The following BRCA1 variants were observed in gnomAD, a reference collection of about 807,000 sequenced individuals.
BRCA1 encodes breast cancer type 1 susceptibility protein.
Under a neutral mutation model 173.7 loss-of-function variants are expected in BRCA1, and 140 were observed. The observed-to-expected ratio is 0.81, with a 90% confidence interval of 0.70 to 0.93. The LOEUF is 0.93. BRCA1 is among the 40% of genes least tolerant of loss of function. BRCA1 has a pLI of 0.00. For missense variants in BRCA1, 1,983 were observed against 2,172.5 expected, an observed-to-expected ratio of 0.91 and a Z score of 1.73; for synonymous variants, 662 against 756.0, an observed-to-expected ratio of 0.88 and a Z score of 2.04.
intron 18 of BRCA1, among the ~76,000 whole-genome samples, chr17:43,058,373 A>T (rs2051602668): frequency 6.6e-6 from 1 of 151,178 alleles, no homozygotes; most frequent in East Asian, 1.9e-4. Context: ...GACTCTGCTA[A>T]AAAAAAACAC....
At position 43,076,562 on chromosome 17, in the gene BRCA1, T is replaced by A. The variant is rs80357075; in HGVS notation, c.4410A>T (p.Glu1470Asp). Residue 1470 changes from glutamate to aspartate, a missense_variant, in exon 13 of 23, where the codon GAA becomes GAT. Transcript: ENST00000357654. ...SSEYPISQNP[E>D]GLSADKFEVS... ...CCTCAAACTTGTCAGCAGAAAGGCC[T>A]TCTGGATTCTGGCTTATAGGGTATT... is the stretch of plus-strand genomic sequence containing the variant. The A allele has an allele frequency of 2.9e-5, 46 of 1,613,734 alleles. No homozygotes were observed. The Admixed American group carries it at 6.5e-4, about 23-fold the overall frequency.
chr17:43,067,938 A>AGTCTCTG (rs1250667627), intron 15 of BRCA1, among the ~76,000 whole-genome samples: 1 of 141,184 alleles, frequency 7.1e-6, no homozygotes, highest in Non-Finnish European at 1.5e-5. Context: ...CCTAGCTTTA[A>AGTCTCTG]GTCTCTGTTT....
At chr17:43,097,092 A>C in intron 8 of BRCA1, 152 bp downstream of exon 8, 1 of 723,758 alleles carries the variant, frequency 1.4e-6, no homozygotes, top group Non-Finnish European at 2.3e-6. Context: ...CCAAATCCCA[A>C]GTCGTGTGTT....
chr17:43,150,162 T>A (rs1383881270), intron 1 of BRCA1, among the ~76,000 whole-genome samples: 1 of 152,044 alleles, frequency 6.6e-6, no homozygotes, highest in Non-Finnish European at 1.5e-5. Context: ...CTGGCTAGAG[T>A]GTAGTGGCGT....
chr17:43,094,872 CAAA>C lies in BRCA1; in HGVS notation c.671-15_671-13del. ...AAATTCACAAGCAGCTGAAAATATACAAAAATAACAAGGTACTCAAAAACTGAA... is the reference window on the plus strand; with the variant it reads ...AAATTCACAAGCAGCTGAAAATATACAATAACAAGGTACTCAAAAACTGAA... On this transcript the variant is annotated splice_polypyrimidine_tract_variant and intron_variant, in intron 9 of 22. Transcript: ENST00000357654. 1 of 1,596,892 alleles carries C rather than the reference CAAA, an allele frequency of 6.3e-7. No individual in the cohort carries two copies. Among genetic ancestry groups the C allele is most frequent in the South Asian group, 1.1e-5 (1 of 89,030 alleles).
intron 2 of BRCA1, among the ~76,000 whole-genome samples, chr17:43,121,165 G>A (rs1260302882): frequency 4.6e-5 from 7 of 151,892 alleles, no homozygotes; most frequent in East Asian, 1.9e-4. Context: ...CACAAGGTCA[G>A]GAGATCGAGA....
chr17:43,063,575 A>T (rs1390955297), intron 17 of BRCA1, among the ~76,000 whole-genome samples: 2 of 152,234 alleles, frequency 1.3e-5, no homozygotes, highest in Non-Finnish European at 1.5e-5. Flanking sequence ...TTTAAACATT[A>T]TAAGTTTGCC....
At chr17:43,146,181 T>C (rs1024915449) in intron 1 of BRCA1, among the ~76,000 whole-genome samples, 2 of 152,086 alleles carry the variant, frequency 1.3e-5, no homozygotes, top group African/African-American at 4.8e-5. Flanking sequence ...CTGATCAACA[T>C]GTGAAGATAT....
At position 43,095,105 on chromosome 17, in the gene BRCA1, A is replaced by ACCT. The variant is rs5820483; in HGVS notation, c.671-248_671-246dup. On this transcript the variant is annotated intron_variant, in intron 9 of 22. Coordinates refer to ENST00000357654, the MANE Select transcript of BRCA1 (RefSeq NM_007294.4). ...AGAATTTTCCCTATGCAGAAACCAC[A>ACCT]CCTATTTCTCTAACGTCTAAGAGTG... Among the ~76,000 whole-genome samples, 51,183 of 151,716 alleles carry ACCT rather than the reference A, an allele frequency of 0.34. 8,767 individuals carry two copies. The highest frequency in any genetic ancestry group is 0.49 in the South Asian group (2,362 of 4,806).
chr17:43,168,566 G>A (rs979918998), intron 1 of BRCA1, among the ~76,000 whole-genome samples: 2 of 152,202 alleles, frequency 1.3e-5, no homozygotes, highest in Non-Finnish European at 2.9e-5. Flanking sequence ...TTGAACCCAC[G>A]AGTCAGAGGT....
At chr17:43,073,223 G>T (rs1038530157) in intron 14 of BRCA1, among the ~76,000 whole-genome samples, 2 of 151,814 alleles carry the variant, frequency 1.3e-5, no homozygotes, top group African/African-American at 4.8e-5. Flanking sequence ...GGGGCAATGA[G>T]CTTATAGCAA....
intron 19 of BRCA1, among the ~76,000 whole-genome samples, chr17:43,054,402 T>G (rs2051373821): frequency 6.6e-6 from 1 of 152,186 alleles, no homozygotes; most frequent in Non-Finnish European, 1.5e-5. Context: ...GGTTCCCTCT[T>G]AAGTTTCTAT....
At chr17:43,068,275 T>C (rs2052237118) in intron 15 of BRCA1, among the ~76,000 whole-genome samples, 2 of 142,918 alleles carry the variant, frequency 1.4e-5, no homozygotes, top group African/African-American at 5.2e-5. Context: ...AGACTCCGTC[T>C]CAAAAAAAAA....
intron 3 of BRCA1, among the ~76,000 whole-genome samples, chr17:43,112,812 T>C (rs914685928): frequency 6.6e-6 from 1 of 151,812 alleles, no homozygotes; most frequent in Non-Finnish European, 1.5e-5. Flanking sequence ...TTTTGTTGTT[T>C]TTTTTTTTTG....
chr17:43,165,283 G>A (rs1170140208), intron 1 of BRCA1, among the ~76,000 whole-genome samples: 1 of 152,062 alleles, frequency 6.6e-6, no homozygotes, highest in Non-Finnish European at 1.5e-5. Context: ...CAGAAAAACT[G>A]GATGATACTT....
chr17:43,116,842 T>A (rs1373678568), intron 2 of BRCA1, among the ~76,000 whole-genome samples: 1 of 152,148 alleles, frequency 6.6e-6, no homozygotes, highest in African/African-American at 2.4e-5. Flanking sequence ...GATCTATAGG[T>A]GTCTCTTACT....
At chr17:43,117,919 G>A (rs1487373966) in intron 2 of BRCA1, among the ~76,000 whole-genome samples, 2 of 152,140 alleles carry the variant, frequency 1.3e-5, no homozygotes, top group East Asian at 3.8e-4. Flanking sequence ...AGATAGAAAT[G>A]TAGCAGTTTA....
Position 43,093,912 on chromosome 17 carries a change from T to G in BRCA1, c.1619A>C (p.Glu540Ala), listed in dbSNP as rs1375255651. 1 of 1,613,984 alleles carries G rather than the reference T, an allele frequency of 6.2e-7. No homozygotes were observed. Among genetic ancestry groups the G allele is most frequent in the Non-Finnish European group, 8.5e-7 (1 of 1,179,974 alleles). ...AATATTCATCACTTGACCATTCTGC[T>G]CCGTTTGGTTAGTTCCCTGATTTAT... ...EMINQGTNQT[E>A]QNGQVMNITN... Residue 540 changes from glutamate to alanine, a missense_variant, in exon 10 of 23, where the codon GAG (glutamate) becomes GCG (alanine). Physicochemically the swap from Glu to Ala is moderately radical, Grantham distance 107. Coordinates refer to ENST00000357654, the MANE Select transcript of BRCA1 (RefSeq NM_007294.4).
At chr17:43,147,357 T>A (rs1442786677) in intron 1 of BRCA1, among the ~76,000 whole-genome samples, 10 of 152,074 alleles carry the variant, frequency 6.6e-5, no homozygotes, top group Non-Finnish European at 1.5e-4. Context: ...GCCCGGCTAA[T>A]TTTTTGTATT....
Sources: allele counts gnomAD v4.1 joint callset (sites outside exome capture counted in the v4.1 genomes callset), GRCh38; gene constraint gnomAD v4.1.1; transcripts MANE v1.5; gene names NCBI Gene and HGNC (gene_info 2026-07-23, HGNC 2026-07-21).